The following TSPAN9 variants were observed in gnomAD, a reference collection of about 807,000 sequenced individuals.
TSPAN9 encodes tetraspanin-9.
TSPAN9 carries 16 observed loss-of-function variants against 31.0 expected under a neutral mutation model. That is an observed-to-expected ratio of 0.52 (90% CI 0.35 to 0.78). The LOEUF (loss-of-function observed/expected upper bound fraction) is 0.78, where lower values mean the gene tolerates loss of function less well. Ranked by LOEUF, TSPAN9 falls within the 30% of genes least tolerant of loss-of-function variation. TSPAN9 has a pLI of 0.01. For missense variants in TSPAN9, 272 were observed against 312.5 expected (o/e 0.87, Z 0.98); for synonymous variants, 145 against 121.6 (o/e 1.19, Z -1.27).
chr12:3,162,836 C>T (rs537793518), intron 2 of TSPAN9, among the ~76,000 whole-genome samples: 2 of 152,288 alleles, frequency 1.3e-5, no homozygotes, highest in East Asian at 1.9e-4. Context: ...GGCTGAGGCT[C>T]AAGGTACCAT....
intron 2 of TSPAN9, among the ~76,000 whole-genome samples, chr12:3,111,819 A>C (rs10848801): frequency 0.33 from 49,872 of 151,738 alleles, 8,357 homozygotes; most frequent in Middle Eastern, 0.45. Flanking sequence ...ATCATGTTGA[A>C]CAGGCTGGTC....
chr12:3,176,199 T>C (rs1450519308), intron 2 of TSPAN9, among the ~76,000 whole-genome samples: 1 of 152,190 alleles, frequency 6.6e-6, no homozygotes, highest in Non-Finnish European at 1.5e-5. Context: ...GTGCCCCTTC[T>C]CCTCTTGTCT....
chr12:3,283,383 G>T lies in TSPAN9; in HGVS notation c.*267G>T. On this transcript the variant is annotated 3_prime_UTR_variant, in exon 9 of 9. Coordinates refer to ENST00000011898, the MANE Select transcript of TSPAN9 (RefSeq NM_006675.5). ...TGCCAAAGACGACAGGGTGGGCTGGGGTGCGCTCCGGAGGAACCCCCGGCA... is the reference window on the plus strand; with the variant it reads ...TGCCAAAGACGACAGGGTGGGCTGGTGTGCGCTCCGGAGGAACCCCCGGCA... The T allele has an allele frequency of 2.4e-6, 1 of 421,742 alleles. No individual in the cohort carries two copies. The highest frequency in any genetic ancestry group is 3.7e-5 in the South Asian group (1 of 27,224). The allele number at this position is 421,742 out of a possible 1,614,324, so 26.1% of individuals were successfully genotyped here.
intron 3 of TSPAN9, among the ~76,000 whole-genome samples, chr12:3,211,373 T>C (rs1047173639): frequency 1.3e-5 from 2 of 152,216 alleles, no homozygotes; most frequent in African/African-American, 2.4e-5. Context: ...ACTACAACTT[T>C]ATAATAAGTC....
intron 1 of TSPAN9, among the ~76,000 whole-genome samples, chr12:3,082,469 G>A (rs3782831): frequency 0.4 from 61,253 of 152,082 alleles, 14,255 homozygotes; most frequent in African/African-American, 0.65. Context: ...AGTGCCCACC[G>A]TGTGCCAGCA....
chr12:3,205,566 C>G (rs781196801), intron 3 of TSPAN9, among the ~76,000 whole-genome samples: 2 of 152,140 alleles, frequency 1.3e-5, no homozygotes, highest in African/African-American at 2.4e-5. Flanking sequence ...CCTAGAGTGT[C>G]ATAAGGAGTC....
chr12:3,105,196 C>A (rs767462303), intron 2 of TSPAN9, among the ~76,000 whole-genome samples: 1 of 152,126 alleles, frequency 6.6e-6, no homozygotes, highest in Non-Finnish European at 1.5e-5. Context: ...AGCTTTCTGC[C>A]GCCGACTTGG....
At chr12:3,179,397 C>G (rs927042053) in intron 2 of TSPAN9, among the ~76,000 whole-genome samples, 52 of 152,290 alleles carry the variant, frequency 3.4e-4, no homozygotes, top group African/African-American at 1.1e-3. Flanking sequence ...CTTCCTGTTG[C>G]ATTTTAAGCC....
chr12:3,118,553 T>G (rs6489440), intron 2 of TSPAN9, among the ~76,000 whole-genome samples: 106,102 of 151,568 alleles, frequency 0.7, 38,558 homozygotes, highest in East Asian at 0.82. Context: ...GAGCCACCGC[T>G]CCTGGCCAGA....
intron 2 of TSPAN9, among the ~76,000 whole-genome samples, chr12:3,157,116 T>A (rs1380844981): frequency 6.6e-6 from 1 of 151,862 alleles, no homozygotes; most frequent in Non-Finnish European, 1.5e-5. Flanking sequence ...TTTTTTTTTT[T>A]TGAGACGGAG....
chr12:3,086,028 T>C (rs2098300266), intron 2 of TSPAN9, among the ~76,000 whole-genome samples: 1 of 152,310 alleles, frequency 6.6e-6, no homozygotes, highest in East Asian at 1.9e-4. Context: ...ACTCTCTTCT[T>C]CGTGCCCGTG....
chr12:3,238,301 C>G (rs1253221993), intron 3 of TSPAN9, among the ~76,000 whole-genome samples: 1 of 152,214 alleles, frequency 6.6e-6, no homozygotes, highest in African/African-American at 2.4e-5. Context: ...GCAACTTTGA[C>G]CTGGCTGGCA....
intron 3 of TSPAN9, among the ~76,000 whole-genome samples, chr12:3,253,568 A>G (rs908867248): frequency 3.3e-5 from 5 of 152,234 alleles, no homozygotes; most frequent in African/African-American, 9.6e-5. Flanking sequence ...TGGGGTTTGC[A>G]GAACATCCTT....
chr12:3,143,388 C>A lies in TSPAN9; in HGVS notation c.-17-57789C>A, dbSNP rs2098335785. ...AACCTTTGCTCACTAATTTTAGCAT[C>A]CATCAGGGGTTTTTGCTTGCAGCTC... On this transcript the variant is annotated intron_variant, in intron 2 of 8. Coordinates refer to ENST00000011898, the MANE Select transcript of TSPAN9 (RefSeq NM_006675.5). This position sits in a 1 kb window ranked among gnomAD's most constrained non-coding sequence, Gnocchi z 4.2. Among the ~76,000 whole-genome samples, 1 of 150,998 alleles carries A rather than the reference C, an allele frequency of 6.6e-6. No homozygotes were observed. Among genetic ancestry groups the A allele is most frequent in the Non-Finnish European group, 1.5e-5 (1 of 67,934 alleles).
chr12:3,206,435 G>A (rs943558428), intron 3 of TSPAN9: 36 of 445,500 alleles, frequency 8.1e-5, no homozygotes, highest in African/African-American at 6.8e-4. Context: ...GCATTCTAGG[G>A]TGAGGCAGCA....
chr12:3,236,959 G>T (rs1345368472), intron 3 of TSPAN9, among the ~76,000 whole-genome samples: 4 of 152,222 alleles, frequency 2.6e-5, no homozygotes, highest in Non-Finnish European at 5.9e-5. Context: ...CTGGTTGTCA[G>T]ATAGAAACGA....
At chr12:3,267,021 G>T (rs939870970) in intron 3 of TSPAN9, among the ~76,000 whole-genome samples, 2 of 152,152 alleles carry the variant, frequency 1.3e-5, no homozygotes, top group Non-Finnish European at 2.9e-5. Context: ...TTATTGAAAG[G>T]GCCTCCGACC....
chr12:3,202,178 C>T (rs117738149), intron 3 of TSPAN9, among the ~76,000 whole-genome samples: 2,223 of 152,316 alleles, frequency 0.015, 35 homozygotes, highest in Non-Finnish European at 0.022. Context: ...TTAAATTCAT[C>T]TCGAATCGTT....
At chr12:3,174,605 C>A (rs1021199236) in intron 2 of TSPAN9, among the ~76,000 whole-genome samples, 1 of 152,034 alleles carries the variant, frequency 6.6e-6, no homozygotes, top group Non-Finnish European at 1.5e-5. Context: ...TTTTTTGAGA[C>A]GGAGTCTCAC....
Sources: gnomAD v4.1 joint callset for allele counts (sites outside exome capture counted in the v4.1 genomes callset) on GRCh38, gnomAD v4.1.1 for gene constraint, Gnocchi (gnomAD v3.1) non-coding constraint, MANE v1.5 for transcripts, NCBI Gene and HGNC (gene_info 2026-07-23, HGNC 2026-07-21) for gene names.